Variants in DIAPH2 observed in about 807,000 individuals in gnomAD.
DIAPH2 encodes the protein protein diaphanous homolog 2.
Under a neutral mutation model 92.7 loss-of-function variants are expected in DIAPH2, and 35 were observed. The observed-to-expected ratio is 0.38, with a 90% CI of 0.29 to 0.50. The LOEUF is 0.50. DIAPH2 is among the 20% of genes least tolerant of loss of function. DIAPH2 has a pLI of 0.94. For synonymous variants in DIAPH2, 301 were observed against 280.4 expected (o/e 1.07, Z -0.73); for missense variants, 701 against 819.5 (o/e 0.86, Z 1.77).
chrX:97,571,038 C>T (rs1221397189), intron 26 of DIAPH2, among the ~76,000 whole-genome samples: 1 of 111,357 alleles, frequency 9.0e-6, no homozygotes, highest in Non-Finnish European at 1.9e-5. Flanking sequence ...TAATATAGTG[C>T]ACGTTCAAAA....
intron 17 of DIAPH2, among the ~76,000 whole-genome samples, chrX:97,028,619 A>G (rs994341499): frequency 2.7e-5 from 3 of 112,270 alleles, no homozygotes; most frequent in African/African-American, 9.7e-5. Flanking sequence ...TCCGTGTTGT[A>G]GCATATATCA....
intron 20 of DIAPH2, among the ~76,000 whole-genome samples, chrX:97,108,408 A>G (rs2066957182): frequency 8.9e-6 from 1 of 112,233 alleles, no homozygotes; most frequent in East Asian, 2.8e-4. Flanking sequence ...TATTTTATTT[A>G]CTTATATCAC....
chrX:96,895,958 A>G (rs2065342232), intron 5 of DIAPH2, among the ~76,000 whole-genome samples: 1 of 111,740 alleles, frequency 8.9e-6, no homozygotes, highest in Non-Finnish European at 1.9e-5. Flanking sequence ...TTTCAAACTG[A>G]TTCCTAATAT....
At chrX:97,196,737 A>G (rs961686068) in intron 22 of DIAPH2, among the ~76,000 whole-genome samples, 9 of 107,751 alleles carry the variant, frequency 8.4e-5, no homozygotes, top group African/African-American at 3.0e-4. Flanking sequence ...TACATATCTG[A>G]TTTTCGTTTG....
intron 26 of DIAPH2, among the ~76,000 whole-genome samples, chrX:97,575,974 G>A (rs1020088739): frequency 8.9e-6 from 1 of 111,943 alleles, no homozygotes; most frequent in Non-Finnish European, 1.9e-5. Flanking sequence ...CAGTGAGAAA[G>A]TTTATTGCCA....
At chrX:96,982,156 C>T (rs112677066) in intron 17 of DIAPH2, among the ~76,000 whole-genome samples, 1 of 111,825 alleles carries the variant, frequency 8.9e-6, no homozygotes, top group African/African-American at 3.2e-5. Context: ...TGTGCCTGGT[C>T]TGCCTTTGTT....
chrX:96,899,372 T>G (rs2147768687), intron 5 of DIAPH2, among the ~76,000 whole-genome samples: 1 of 110,757 alleles, frequency 9.0e-6, no homozygotes, highest in African/African-American at 3.3e-5. Flanking sequence ...TGGAATGTTC[T>G]TCCATTTGTT....
chrX:97,320,108 A>AT (rs752037015), intron 23 of DIAPH2, among the ~76,000 whole-genome samples: 1,688 of 104,971 alleles, frequency 0.016, 18 homozygotes, highest in Non-Finnish European at 0.026. Flanking sequence ...TCAAAAAAAA[A>AT]ATATATATAT....
chrX:97,213,366 G>T (rs1179930519), intron 22 of DIAPH2, among the ~76,000 whole-genome samples: 1 of 111,084 alleles, frequency 9.0e-6, no homozygotes, highest in East Asian at 2.8e-4. Context: ...TCTTAAAAAT[G>T]CTTCTGTTTT....
At chrX:97,215,969 C>T (rs775211181) in intron 22 of DIAPH2, among the ~76,000 whole-genome samples, 5 of 111,956 alleles carry the variant, frequency 4.5e-5, no homozygotes, top group African/African-American at 1.3e-4. Context: ...TTCCTTTATT[C>T]GTGTGTCCGT....
chrX:96,988,401 A>C (rs759333818), intron 17 of DIAPH2, among the ~76,000 whole-genome samples: 1 of 110,188 alleles, frequency 9.1e-6, no homozygotes, highest in East Asian at 2.8e-4. Context: ...ATCCAGCAGG[A>C]CTTGTTGACG....
intron 26 of DIAPH2, among the ~76,000 whole-genome samples, chrX:97,535,251 AG>A (rs2071086985): frequency 8.9e-6 from 1 of 112,008 alleles, no homozygotes; most frequent in Non-Finnish European, 1.9e-5. Flanking sequence ...TATTTACAAC[AG>A]GGGAAAGTGG....
intron 26 of DIAPH2, among the ~76,000 whole-genome samples, chrX:97,545,533 A>T (rs866515653): frequency 2.5e-3 from 199 of 79,320 alleles, no homozygotes; most frequent in African/African-American, 9.4e-3. Context: ...AAAAAAAAAA[A>T]ATATATATAT....
chrX:97,563,916 C>T (rs751935417), intron 26 of DIAPH2, among the ~76,000 whole-genome samples: 1 of 111,529 alleles, frequency 9.0e-6, no homozygotes, highest in Non-Finnish European at 1.9e-5. Context: ...GATTGGCATC[C>T]TAACAGAAGA....
intron 22 of DIAPH2, among the ~76,000 whole-genome samples, chrX:97,237,069 T>A (rs2068054055): frequency 8.9e-6 from 1 of 112,319 alleles, no homozygotes; most frequent in African/African-American, 3.2e-5. Context: ...AACACACCTA[T>A]AAACATATAC....
At chrX:97,344,971 C>G (rs1465804149) in intron 23 of DIAPH2, among the ~76,000 whole-genome samples, 1 of 112,080 alleles carries the variant, frequency 8.9e-6, no homozygotes. Flanking sequence ...TAGCGAGTCC[C>G]TGGAATGAAT....
intron 22 of DIAPH2, among the ~76,000 whole-genome samples, chrX:97,210,063 T>C: frequency 9.0e-6 from 1 of 111,631 alleles, no homozygotes; most frequent in East Asian, 2.8e-4. Context: ...GCATTGACTT[T>C]TCACTCTTCT....
At chrX:97,277,041 A>G (rs1448602451) in intron 23 of DIAPH2, among the ~76,000 whole-genome samples, 1 of 112,529 alleles carries the variant, frequency 8.9e-6, no homozygotes, top group Non-Finnish European at 1.9e-5. Context: ...TGCCACAACT[A>G]AAGAGGCATG....
intron 18 of DIAPH2, among the ~76,000 whole-genome samples, chrX:97,073,772 G>T (rs1226147237): frequency 8.9e-6 from 1 of 112,100 alleles, no homozygotes; most frequent in Non-Finnish European, 1.9e-5. Flanking sequence ...TAAGGAATGT[G>T]GTATAGGGAA....
Sources: gnomAD v4.1 joint callset for allele counts (sites outside exome capture counted in the v4.1 genomes callset) on GRCh38, gnomAD v4.1.1 for gene constraint, MANE v1.5 for transcripts, NCBI Gene and HGNC (gene_info 2026-07-23, HGNC 2026-07-21) for gene names.